Variants in NUMB observed in about 807,000 individuals in gnomAD.
NUMB encodes NUMB endocytic adaptor protein, also known as protein numb homolog.
A neutral mutation model predicts 59.7 loss-of-function variants in NUMB; 29 were observed. The ratio of observed to expected loss-of-function variants is 0.49; its 90% CI spans 0.36 to 0.66. The LOEUF is 0.66. NUMB is among the 30% of genes least tolerant of loss of function. The pLI is 0.00. For synonymous variants in NUMB, 288 were observed against 288.2 expected (o/e 1.00, Z 0.01); for missense variants, 723 against 822.0 (o/e 0.88, Z 1.47).
intron 1 of NUMB, among the ~76,000 whole-genome samples, chr14:73,456,491 C>T (rs1388228390): frequency 1.3e-5 from 2 of 152,232 alleles, no homozygotes; most frequent in African/African-American, 4.8e-5. Flanking sequence ...ACATTGTGAC[C>T]TAGTACATAC....
At chr14:73,412,235 G>A (rs1449287547) in intron 1 of NUMB, among the ~76,000 whole-genome samples, 1 of 151,998 alleles carries the variant, frequency 6.6e-6, no homozygotes, top group Non-Finnish European at 1.5e-5. Context: ...AACATTTAAT[G>A]GGGACTGATT....
chr14:73,414,761 C>G (rs1041879873), intron 1 of NUMB, among the ~76,000 whole-genome samples: 1 of 152,122 alleles, frequency 6.6e-6, no homozygotes, highest in Non-Finnish European at 1.5e-5. Flanking sequence ...GCTCTGTTGC[C>G]CAGGCTGGAG....
At chr14:73,442,969 C>G (rs1251469521) in intron 1 of NUMB, among the ~76,000 whole-genome samples, 1 of 152,022 alleles carries the variant, frequency 6.6e-6, no homozygotes, top group Non-Finnish European at 1.5e-5. Flanking sequence ...CTCAAGTGAT[C>G]CTCCTGCCTC....
chr14:73,276,426 CCT>C lies in NUMB; in HGVS notation c.*150_*151del. On this transcript the variant is annotated 3_prime_UTR_variant, in exon 13 of 13. Coordinates refer to ENST00000555238, the MANE Select transcript of NUMB (RefSeq NM_001005743.2). ...TTTTCCCATGTCTTTCAAAATCACCCCTCACAGTACTCTGGGCCTGGACTTGT... is the reference window on the plus strand; with the variant it reads ...TTTTCCCATGTCTTTCAAAATCACCCCACAGTACTCTGGGCCTGGACTTGT... 1.7e-6 allele frequency: 1 copy of C among 602,878 alleles called. No homozygotes were observed. The highest frequency in any genetic ancestry group is 2.9e-6 in the Non-Finnish European group (1 of 349,276). The allele number at this position is 602,878 out of a possible 1,614,324, so 37.3% of individuals were successfully genotyped here. A position where few individuals can be genotyped will look rare whatever the true frequency, so the allele number is the denominator to read the frequency against.
At chr14:73,401,444 T>C (rs1896408234) in intron 2 of NUMB, among the ~76,000 whole-genome samples, 1 of 149,908 alleles carries the variant, frequency 6.7e-6, no homozygotes, top group African/African-American at 2.4e-5. Flanking sequence ...GAACCAATAA[T>C]GACTAACTGG....
intron 1 of NUMB, among the ~76,000 whole-genome samples, chr14:73,452,825 CTACT>C (rs911326631): frequency 1.4e-4 from 22 of 152,180 alleles, no homozygotes; most frequent in Admixed American, 1.2e-3. Context: ...ACTTCTCAGT[CTACT>C]TACTTGTCTT....
intron 5 of NUMB, among the ~76,000 whole-genome samples, chr14:73,316,786 A>G (rs982817873): frequency 6.6e-6 from 1 of 152,268 alleles, no homozygotes; most frequent in African/African-American, 2.4e-5. Context: ...TTGCATTTTA[A>G]ATTTTATAAT....
intron 11 of NUMB, 37 bp from the exon 12 acceptor site, chr14:73,279,461 C>A: frequency 6.5e-7 from 1 of 1,545,636 alleles, no homozygotes; most frequent in South Asian, 1.3e-5. Flanking sequence ...GGAGTTAATT[C>A]ATGCAGGGTG....
chr14:73,423,966 C>CAAAAAAAA (rs34582645), intron 1 of NUMB, among the ~76,000 whole-genome samples: 1 of 74,300 alleles, frequency 1.3e-5, no homozygotes, highest in Non-Finnish European at 2.7e-5. Flanking sequence ...ACCCTGTCTC[C>CAAAAAAAA]AAAAAAAAAA....
chr14:73,290,139 A>T (rs577225772), intron 8 of NUMB, among the ~76,000 whole-genome samples: 5 of 152,330 alleles, frequency 3.3e-5, no homozygotes, highest in Non-Finnish European at 5.9e-5. Context: ...TTTTTAAGTT[A>T]TTATCTGGAA....
intron 6 of NUMB, among the ~76,000 whole-genome samples, chr14:73,309,919 T>C (rs1401533524): frequency 2.0e-5 from 3 of 151,956 alleles, no homozygotes; most frequent in Non-Finnish European, 2.9e-5. Flanking sequence ...TAAAACAACA[T>C]AACAACATAT....
intron 3 of NUMB, among the ~76,000 whole-genome samples, chr14:73,356,563 A>T (rs2140023066): frequency 6.6e-6 from 1 of 152,300 alleles, no homozygotes; most frequent in East Asian, 1.9e-4. Flanking sequence ...GAATCACTTG[A>T]ACTCAAGAGG....
chr14:73,427,070 T>TG (rs1566792399), intron 1 of NUMB, among the ~76,000 whole-genome samples: 1 of 151,870 alleles, frequency 6.6e-6, no homozygotes, highest in East Asian at 1.9e-4. Flanking sequence ...AGAGCTAGGG[T>TG]GGGGGTAGAG....
At chr14:73,428,950 A>G (rs979864187) in intron 1 of NUMB, among the ~76,000 whole-genome samples, 1 of 152,224 alleles carries the variant, frequency 6.6e-6, no homozygotes, top group Non-Finnish European at 1.5e-5. Context: ...AAAACACATA[A>G]CTATGTAACC....
At chr14:73,392,836 G>A (rs921079723) in intron 2 of NUMB, among the ~76,000 whole-genome samples, 1 of 150,546 alleles carries the variant, frequency 6.6e-6, no homozygotes, top group Non-Finnish European at 1.5e-5. Flanking sequence ...TAGGAAAACT[G>A]AGTAAGTCTA....
intron 2 of NUMB, among the ~76,000 whole-genome samples, chr14:73,381,359 GA>G (rs993123737): frequency 1.1e-4 from 16 of 144,494 alleles, no homozygotes; most frequent in East Asian, 4.0e-4. Flanking sequence ...GGAAGAAAAA[GA>G]AAAAAAAAAG....
intron 2 of NUMB, among the ~76,000 whole-genome samples, chr14:73,369,208 A>AT (rs1396888531): frequency 2.0e-5 from 3 of 151,996 alleles, no homozygotes; most frequent in African/African-American, 2.4e-5. Flanking sequence ...CACCCAGCTA[A>AT]TTTTTTGTAT....
intron 12 of NUMB, among the ~76,000 whole-genome samples, chr14:73,277,800 G>A (rs1394281389): frequency 6.6e-6 from 1 of 151,832 alleles, no homozygotes; most frequent in Non-Finnish European, 1.5e-5. Flanking sequence ...GCTTATGCCT[G>A]TAATCCCAGC....
rs1415254010 is a variant in NUMB at position 73,277,224 on chromosome 14, G to A, written c.1310C>T (p.Pro437Leu). The A allele has an allele frequency of 6.2e-7, 1 of 1,613,866 alleles. No individual in the cohort carries two copies. Among genetic ancestry groups the A allele is most frequent in the East Asian group, 2.2e-5 (1 of 44,886 alleles). The part of the protein sequence containing the change: ...GLFQAGHRRT[P>L]SEADRWLEEV... Reference sequence around the variant, plus strand: ...TTCTAACCATCGGTCGGCCTCAGAGGGAGTACGTCTATGACCGGCCTGGAA... The same window carrying A: ...TTCTAACCATCGGTCGGCCTCAGAGAGAGTACGTCTATGACCGGCCTGGAA... Residue 437 changes from proline to leucine, a missense_variant, in exon 13 of 13, where the codon CCC becomes CTC. Physicochemically the swap from Pro to Leu is moderately conservative, Grantham distance 98. Around this residue, in one of 2 missense-constraint regions of NUMB, gnomAD observed 406 missense variants for 385.4 expected, o/e 1.05. Coordinates refer to ENST00000555238, the MANE Select transcript of NUMB (RefSeq NM_001005743.2).
Sources: gnomAD v4.1 joint callset for allele counts (sites outside exome capture counted in the v4.1 genomes callset) on GRCh38, gnomAD v4.1.1 for gene constraint, gnomAD v4.1.1 regional missense constraint, MANE v1.5 for transcripts, NCBI Gene and HGNC (gene_info 2026-07-23, HGNC 2026-07-21) for gene names.